The following NID1 variants were observed in gnomAD, a reference collection of about 807,000 sequenced individuals.
The protein encoded by NID1 is nidogen 1.
A neutral mutation model predicts 130.6 loss-of-function variants in NID1; 76 were observed. The observed-to-expected ratio is 0.58, with a 90% CI of 0.48 to 0.70. The LOEUF is 0.70. Among genes scored for constraint, NID1 ranks in the 30% least tolerant of loss-of-function variants. The pLI, the probability that NID1 is intolerant of heterozygous loss-of-function variation, is 0.00. For synonymous variants in NID1, 665 were observed against 675.1 expected, an observed-to-expected ratio of 0.98 and a Z score of 0.23; for missense variants, 1,517 against 1,664.8, an observed-to-expected ratio of 0.91 and a Z score of 1.54.
chr1:235,992,554 C>G lies in NID1; in HGVS notation c.2755+1091G>C, dbSNP rs539647050. 9.2e-5 allele frequency among the ~76,000 whole-genome samples: 14 copies of G among 152,290 alleles called. No individual in the cohort carries two copies. In the South Asian group the frequency reaches 2.9e-3, roughly 32 times the overall value. ...TGGAAAGCCTCACCCATGAGCCCAC[C>G]GCCCCACGCAAGCCAGGATTCCGCC... On this transcript the variant is annotated intron_variant, in intron 13 of 19. Transcript: ENST00000264187.
At position 236,017,228 on chromosome 1, in the gene NID1, G is replaced by C. The variant is rs1415355413; in HGVS notation, c.2174C>G (p.Thr725Arg). 5.6e-6 allele frequency: 9 copies of C among 1,614,030 alleles called. No homozygotes were observed. The highest frequency in any genetic ancestry group is 7.6e-6 in the Non-Finnish European group (9 of 1,180,042). Residue 725 changes from threonine to arginine, a missense_variant, in exon 10 of 20, where the codon ACA becomes AGA. Around this residue, in one of 3 missense-constraint regions of NID1, gnomAD observed 1,329 missense variants for 1,429.2 expected, o/e 0.93. Coordinates refer to ENST00000264187, the MANE Select transcript of NID1 (RefSeq NM_002508.3). Reference sequence around the variant, plus strand: ...GGTTCCTGGGTGATTATTGCAGATTGTGTGGCTCCCACACACTGAGGGTTG... The same window carrying C: ...GGTTCCTGGGTGATTATTGCAGATTCTGTGGCTCCCACACACTGAGGGTTG... ...SEQPSVCGSH[T>R]ICNNHPGTFR...
rs1657375549 is a variant in NID1, at chr1:235,979,703, G to A, written c.3509+119C>T. On this transcript the variant is annotated intron_variant, in intron 18 of 19. Transcript: ENST00000264187. This position sits in a 1 kb window ranked among gnomAD's most constrained non-coding sequence, Gnocchi z 4.6. ...TAAGGGAGAGGGGACATCTCTAGAGGGGGCATTTCTGGAGGCTCAAAAGTC... is the reference window on the plus strand; with the variant it reads ...TAAGGGAGAGGGGACATCTCTAGAGAGGGCATTTCTGGAGGCTCAAAAGTC... 3.7e-6 allele frequency: 4 copies of A among 1,080,934 alleles called. No individual in the cohort carries two copies. The highest frequency in any genetic ancestry group is 2.5e-5 in the East Asian group (1 of 40,228). 67.0% of individuals were successfully genotyped at this position (1,080,934 alleles called of 1,614,324 possible).
chr1:236,027,846 AC>A (rs1475106477), intron 7 of NID1, among the ~76,000 whole-genome samples: 4 of 151,988 alleles, frequency 2.6e-5, no homozygotes, highest in East Asian at 1.9e-4. Flanking sequence ...CAACCAGAAA[AC>A]AAAAACAAAA....
At chr1:236,015,389 G>C (rs566197456) in intron 10 of NID1, among the ~76,000 whole-genome samples, 1 of 152,268 alleles carries the variant, frequency 6.6e-6, no homozygotes, top group East Asian at 1.9e-4. Flanking sequence ...GCTTACACCT[G>C]TAATCCCAGC....
intron 5 of NID1, among the ~76,000 whole-genome samples, chr1:236,037,898 T>C (rs575019263): frequency 6.6e-6 from 1 of 152,234 alleles, no homozygotes; most frequent in South Asian, 2.1e-4. Flanking sequence ...AGGAAGACTT[T>C]GCCATATTTG....
At chr1:236,045,405 C>T in intron 3 of NID1, 52 bp downstream of exon 3, 1 of 1,300,288 alleles carries the variant, frequency 7.7e-7, no homozygotes, top group Admixed American at 1.7e-5. Flanking sequence ...TTACATTATC[C>T]ACATTAAAAA....
At chr1:236,032,979 T>C (rs1273240562) in intron 5 of NID1, among the ~76,000 whole-genome samples, 6 of 152,156 alleles carry the variant, frequency 3.9e-5, no homozygotes, top group African/African-American at 1.2e-4. Context: ...AGGGGTGACC[T>C]AGAACTAAGG....
At chr1:236,052,795 A>T (rs756043528) in intron 1 of NID1, among the ~76,000 whole-genome samples, 3 of 152,142 alleles carry the variant, frequency 2.0e-5, no homozygotes, top group Non-Finnish European at 4.4e-5. Flanking sequence ...CCCCCTTGTG[A>T]TAGGACAGCA....
intron 1 of NID1, 47 bp downstream of exon 1, chr1:236,064,808 C>A: frequency 6.4e-7 from 1 of 1,553,952 alleles, no homozygotes; most frequent in African/African-American, 1.4e-5. Context: ...CGCCCCCGGC[C>A]CGCCGCGCCC....
At chr1:236,010,865 G>C (rs1262808542) in intron 12 of NID1, among the ~76,000 whole-genome samples, 2 of 152,190 alleles carry the variant, frequency 1.3e-5, no homozygotes, top group Admixed American at 6.5e-5. Flanking sequence ...TCTCTTTTTT[G>C]ATAGACAACT....
At chr1:236,046,064 A>C (rs1266707527) in intron 2 of NID1, among the ~76,000 whole-genome samples, 1 of 152,206 alleles carries the variant, frequency 6.6e-6, no homozygotes, top group African/African-American at 2.4e-5. Flanking sequence ...TCATCGTTTA[A>C]CAAACATTTA....
chr1:236,022,495 C>T (rs1489193083), intron 9 of NID1, among the ~76,000 whole-genome samples: 1 of 151,420 alleles, frequency 6.6e-6, no homozygotes, highest in Non-Finnish European at 1.5e-5. Context: ...CACCTGCCAC[C>T]ATGCTTGGCT....
At chr1:236,059,611 AC>A (rs1230327072) in intron 1 of NID1, among the ~76,000 whole-genome samples, 1 of 152,108 alleles carries the variant, frequency 6.6e-6, no homozygotes, top group Non-Finnish European at 1.5e-5. Flanking sequence ...ATCCCCATTA[AC>A]CCCACAGAAG....
At chr1:236,064,054 C>G (rs2102856434) in intron 1 of NID1, among the ~76,000 whole-genome samples, 1 of 152,328 alleles carries the variant, frequency 6.6e-6, no homozygotes, top group African/African-American at 2.4e-5. Flanking sequence ...TTCCCCCGGC[C>G]AACCCCCCAC....
At chr1:235,990,765 A>G (rs2102798784) in intron 14 of NID1, 121 bp downstream of exon 14, 1 of 763,336 alleles carries the variant, frequency 1.3e-6, no homozygotes, top group Non-Finnish European at 1.8e-6. Flanking sequence ...CCAGGACTAC[A>G]TGGAATGAGC....
At chr1:236,015,846 G>T (rs1376958722) in intron 10 of NID1, among the ~76,000 whole-genome samples, 1 of 151,910 alleles carries the variant, frequency 6.6e-6, no homozygotes, top group East Asian at 1.9e-4. Flanking sequence ...TTCCTCAAAA[G>T]TAAATGTCTG....
chr1:236,014,876 G>A (rs1658542768), intron 10 of NID1, among the ~76,000 whole-genome samples: 1 of 152,254 alleles, frequency 6.6e-6, no homozygotes, highest in African/African-American at 2.4e-5. Flanking sequence ...TGGGCAAGCT[G>A]AGGCCCACCT....
chr1:235,985,812 G>C (rs1199167674), intron 14 of NID1, among the ~76,000 whole-genome samples: 2 of 151,984 alleles, frequency 1.3e-5, no homozygotes, highest in African/African-American at 4.8e-5. Flanking sequence ...CCAGGCTGGA[G>C]TGTAGTGGCG....
intron 6 of NID1, among the ~76,000 whole-genome samples, chr1:236,031,142 A>G (rs908465386): frequency 2.6e-5 from 4 of 151,702 alleles, no homozygotes; most frequent in Admixed American, 2.6e-4. Context: ...TTTTTAATAC[A>G]GAGTCTCACT....
Sources: allele counts gnomAD v4.1 joint callset (sites outside exome capture counted in the v4.1 genomes callset), GRCh38; gene constraint gnomAD v4.1.1; regional missense constraint gnomAD v4.1.1; non-coding constraint Gnocchi (gnomAD v3.1); transcripts MANE v1.5; gene names NCBI Gene and HGNC (gene_info 2026-07-23, HGNC 2026-07-21).